FBN3: variants seen among roughly 807,000 people sequenced by gnomAD.
The protein encoded by FBN3 is fibrillin 3.
A neutral mutation model predicts 330.1 loss-of-function variants in FBN3; 234 were observed. The ratio of observed to expected loss-of-function variants is 0.71; its 90% CI spans 0.64 to 0.79. FBN3 has a LOEUF of 0.79. Among genes scored for constraint, FBN3 ranks in the 30% least tolerant of loss-of-function variants. The probability of loss-of-function intolerance (pLI) is 0.00; values close to 1 mark genes in which losing one functional copy is unlikely to be tolerated. For synonymous variants in FBN3, 1,458 were observed against 1,517.3 expected (o/e 0.96, Z 0.91); for missense variants, 3,606 against 3,886.9 (o/e 0.93, Z 1.92).
In FBN3 at chr19:8,121,331, G is replaced by A. The variant is rs777222940; in HGVS notation, c.3138C>T (p.Asn1046=). The A allele has an allele frequency of 5.0e-6, 8 of 1,613,426 alleles. No individual in the cohort carries two copies. The highest frequency in any genetic ancestry group is 4.0e-5 in the African/African-American group (3 of 74,910). The change falls in exon 25 of 64, where the codon AAC becomes AAT. Residue 1046 remains asparagine, a synonymous_variant. Transcript: ENST00000600128. The surrounding 1 kb of genome is among the most constrained non-coding windows in gnomAD (Gnocchi z 4.5). ...PDLCGQGTCV[N]TPGSFECECF... is the part of the protein sequence containing the mutation. The stretch of plus-strand genomic sequence containing the variant: ...ACTCGCACTCAAAGCTGCCCGGCGT[G>A]TTGACACAGGTGCCCTGGCCGCAGA...
intron 18 of FBN3, among the ~76,000 whole-genome samples, chr19:8,128,138 G>T (rs971237318): frequency 6.6e-6 from 1 of 152,256 alleles, no homozygotes; most frequent in Non-Finnish European, 1.5e-5. Context: ...CCAGCACACA[G>T]ATATGTCCAT....
chr19:8,097,234 T>TGG (rs2082230595), intron 42 of FBN3, 55 bp downstream of exon 42: 1 of 1,573,572 alleles, frequency 6.4e-7, no homozygotes, highest in Non-Finnish European at 8.7e-7. Flanking sequence ...GATTGCACAG[T>TGG]GGCGGACATG....
chr19:8,135,402 C>T (rs1289819719), intron 13 of FBN3, among the ~76,000 whole-genome samples: 1 of 151,742 alleles, frequency 6.6e-6, no homozygotes, highest in Non-Finnish European at 1.5e-5. Context: ...CTCAGCCTCC[C>T]GAGTAGCTGG....
At chr19:8,077,010 C>T (rs529443323) in intron 59 of FBN3, among the ~76,000 whole-genome samples, 1 of 152,306 alleles carries the variant, frequency 6.6e-6, no homozygotes, top group African/African-American at 2.4e-5. Flanking sequence ...GAGATCCTCC[C>T]AACTCAGCCT....
At chr19:8,086,499 C>G (rs1480865629) in intron 54 of FBN3, among the ~76,000 whole-genome samples, 174 bp from the exon 55 acceptor site, 2 of 148,600 alleles carry the variant, frequency 1.3e-5, no homozygotes, top group African/African-American at 2.5e-5. Context: ...CTCCGTTTCC[C>G]AGGCTGGAGT....
Position 8,126,363 on chromosome 19 carries a change from C to T in FBN3, c.2555-16G>A, listed in dbSNP as rs756551083. On this transcript the variant is annotated splice_polypyrimidine_tract_variant and intron_variant, in intron 20 of 63. Transcript: ENST00000600128. Reference sequence around the variant, plus strand: ...CAGGCAGGGTCTGCAACTGGGAGAACAAGAGTGAAGAGAGGAGTCATTTTC... The same window carrying T: ...CAGGCAGGGTCTGCAACTGGGAGAATAAGAGTGAAGAGAGGAGTCATTTTC... 1.8e-5 allele frequency: 29 copies of T among 1,586,776 alleles called. No individual in the cohort carries two copies. The highest frequency in any genetic ancestry group is 2.4e-5 in the Non-Finnish European group (28 of 1,167,844).
intron 6 of FBN3, among the ~76,000 whole-genome samples, chr19:8,143,153 G>A (rs2083452170): frequency 1.3e-5 from 2 of 152,078 alleles, no homozygotes; most frequent in Non-Finnish European, 2.9e-5. Context: ...TTTCTGTCCA[G>A]GCTTAAATGC....
chr19:8,071,094 G>A (rs2081502250), intron 63 of FBN3, among the ~76,000 whole-genome samples: 1 of 151,934 alleles, frequency 6.6e-6, no homozygotes, highest in South Asian at 2.1e-4. Context: ...GCTGTGAACA[G>A]AGAGCACTTG....
chr19:8,135,936 G>GCCCCCCCCCCCC, intron 13 of FBN3, 25 bp downstream of exon 13: 13 of 668,776 alleles, frequency 1.9e-5, no homozygotes, highest in Admixed American at 8.6e-5. Context: ...GGAAGCCCCT[G>GCCCCCCCCCCCC]CCCACCCGCC....
Position 8,125,917 on chromosome 19 carries a change from C to G in FBN3, c.2706G>C (p.Leu902=). 1 of 1,613,362 alleles carries G rather than the reference C, an allele frequency of 6.2e-7. No individual in the cohort carries two copies. The highest frequency in any genetic ancestry group is 8.5e-7 in the Non-Finnish European group (1 of 1,179,930). The stretch of plus-strand genomic sequence containing the variant: ...CCACGCACAGCCGGCCTGAGGCGTC[C>G]AGCATCAGGCCCTCTGGACACTCAC... ...FRCECPEGLM[L]DASGRLCVDV... Residue 902 remains leucine (L), a synonymous_variant, in exon 22 of 64, where the codon CTG becomes CTC. Transcript: ENST00000600128.
Position 8,089,676 on chromosome 19 carries a change from G to A in FBN3, c.6251-6C>T, listed in dbSNP as rs746092986. On this transcript the variant is annotated splice_polypyrimidine_tract_variant and splice_region_variant and intron_variant, in intron 50 of 63. Coordinates refer to ENST00000600128, the MANE Select transcript of FBN3 (RefSeq NM_032447.5). ...CTCTGCACACTCATTCACGTCTGCG[G>A]ATGGCAGGCGTTGCAGACATGGCTT... 7 of 1,613,920 alleles carry A rather than the reference G, an allele frequency of 4.3e-6. No homozygotes were observed. The highest frequency in any genetic ancestry group is 3.3e-5 in the South Asian group (3 of 91,048).
At position 8,121,623 on chromosome 19, in the gene FBN3, T is replaced by C. The variant is rs1166133799; in HGVS notation, c.3083-237A>G. Among the ~76,000 whole-genome samples the C allele has an allele frequency of 6.6e-6, 1 of 152,214 alleles. No individual in the cohort carries two copies. Among genetic ancestry groups the C allele is most frequent in the Non-Finnish European group, 1.5e-5 (1 of 68,036 alleles). The stretch of plus-strand genomic sequence containing the variant: ...AAGCCCCCAAAAGGAGCCGAGGAAA[T>C]GGAGGAACCCCAAACTAAACATGAC... On this transcript the variant is annotated intron_variant, in intron 24 of 63. Transcript: ENST00000600128. This position sits in a 1 kb window ranked among gnomAD's most constrained non-coding sequence, Gnocchi z 4.5.
intron 49 of FBN3, 62 bp from the exon 50 acceptor site, chr19:8,090,021 A>C: frequency 1.3e-6 from 2 of 1,599,396 alleles, no homozygotes; most frequent in Non-Finnish European, 1.7e-6. Flanking sequence ...AGGTGTGTGC[A>C]GGGAAGGATG....
intron 20 of FBN3, 45 bp from the exon 21 acceptor site, chr19:8,126,392 T>C: frequency 6.3e-7 from 1 of 1,584,194 alleles, no homozygotes; most frequent in South Asian, 1.1e-5. Context: ...CATTTTCTCA[T>C]GCCAGCCCAA....
chr19:8,141,289 C>T (rs78742967), intron 8 of FBN3, among the ~76,000 whole-genome samples: 20,254 of 148,334 alleles, frequency 0.14, 1,440 homozygotes, highest in East Asian at 0.19. Flanking sequence ...ATCTCTTGAA[C>T]TGGGAGGCAG....
chr19:8,130,584 G>GAAAA (rs1405850695), intron 16 of FBN3, among the ~76,000 whole-genome samples: 827 of 4,166 alleles, frequency 0.2, 210 homozygotes, highest in Admixed American at 0.29. Flanking sequence ...AAGAAAGAAT[G>GAAAA]AAAGAAAGAA....
At chr19:8,146,265 A>T in intron 3 of FBN3, 40 bp from the exon 4 acceptor site, 1 of 1,527,176 alleles carries the variant, frequency 6.5e-7, no homozygotes, top group Non-Finnish European at 8.9e-7. Flanking sequence ...ACCAGGACCG[A>T]GCCTGGGCCG....
intron 59 of FBN3, among the ~76,000 whole-genome samples, chr19:8,077,728 C>T (rs559471711): frequency 1.3e-5 from 2 of 152,096 alleles, no homozygotes; most frequent in African/African-American, 4.8e-5. Context: ...GTGGCCCCTG[C>T]GGCTGCCTGA....
chr19:8,142,101 G>A lies in FBN3; in HGVS notation c.578C>T (p.Pro193Leu), dbSNP rs757511636. 3.1e-6 allele frequency: 5 copies of A among 1,612,846 alleles called. No individual in the cohort carries two copies. In the South Asian group the frequency reaches 4.4e-5, roughly 14 times the overall value. Residue 193 changes from proline to leucine, a missense_variant, in exon 7 of 64, where the codon CCC becomes CTC. Pro to Leu is a moderately conservative substitution (Grantham distance 98). Coordinates refer to ENST00000600128, the MANE Select transcript of FBN3 (RefSeq NM_032447.5). Reference protein sequence around the residue: ...RTGPCFGQVGPEGCQHQLTGL... With the variant: ...RTGPCFGQVGLEGCQHQLTGL... ...CGTCAGCTGATGCTGGCACCCCTCG[G>A]GGCCTACTTGGCCAAAGCAGGGTCC...
Sources: gnomAD v4.1 joint callset for allele counts (sites outside exome capture counted in the v4.1 genomes callset) on GRCh38, gnomAD v4.1.1 for gene constraint, Gnocchi (gnomAD v3.1) non-coding constraint, MANE v1.5 for transcripts, NCBI Gene and HGNC (gene_info 2026-07-23, HGNC 2026-07-21) for gene names.